Variants in ATXN1 observed in about 807,000 individuals in gnomAD.
ATXN1 encodes ataxin 1.
Under a neutral mutation model 56.4 loss-of-function variants are expected in ATXN1, and 8 were observed. The observed-to-expected ratio is 0.14, with a 90% CI of 0.08 to 0.26. The LOEUF (loss-of-function observed/expected upper bound fraction) is 0.26, where lower values mean the gene tolerates loss of function less well. Among genes scored for constraint, ATXN1 ranks in the 10% least tolerant of loss-of-function variants. The probability of loss-of-function intolerance (pLI) is 1.00; values close to 1 mark genes in which losing one functional copy is unlikely to be tolerated. For synonymous variants in ATXN1, 514 were observed against 494.6 expected (o/e 1.04, Z -0.52); for missense variants, 987 against 1,106.5 (o/e 0.89, Z 1.53).
At chr6:16,502,342 C>A (rs1056586107) in intron 5 of ATXN1, among the ~76,000 whole-genome samples, 2 of 152,182 alleles carry the variant, frequency 1.3e-5, no homozygotes, top group African/African-American at 4.8e-5. Flanking sequence ...AAAAAATACA[C>A]TTGACAGCCA....
intron 2 of ATXN1, among the ~76,000 whole-genome samples, chr6:16,699,844 A>G (rs949661371): frequency 1.3e-5 from 2 of 152,190 alleles, no homozygotes; most frequent in Non-Finnish European, 2.9e-5. Flanking sequence ...ATTCTTTTTG[A>G]CCAAATAGAT....
chr6:16,753,042 T>A, intron 2 of ATXN1, 191 bp downstream of exon 2: 1 of 351,098 alleles, frequency 2.8e-6, no homozygotes, highest in South Asian at 2.1e-5. Context: ...ACCAAATAGA[T>A]AGATACTTTA....
intron 6 of ATXN1, among the ~76,000 whole-genome samples, chr6:16,456,910 A>G (rs916131968): frequency 2.6e-5 from 4 of 152,222 alleles, no homozygotes. Context: ...TCCTCAGACT[A>G]GCAGACCTAA....
intron 5 of ATXN1, among the ~76,000 whole-genome samples, chr6:16,507,104 C>T (rs1760993648): frequency 6.6e-6 from 1 of 152,170 alleles, no homozygotes; most frequent in Non-Finnish European, 1.5e-5. Flanking sequence ...TGATGGATTT[C>T]AATTACTGCA....
intron 5 of ATXN1, among the ~76,000 whole-genome samples, chr6:16,504,718 C>A (rs568771992): frequency 3.8e-4 from 58 of 152,254 alleles, no homozygotes; most frequent in African/African-American, 1.4e-3. Flanking sequence ...ACGTGAACTG[C>A]TCCCCACAAA....
chr6:16,424,715 C>T (rs1759114337), intron 6 of ATXN1, among the ~76,000 whole-genome samples: 1 of 152,218 alleles, frequency 6.6e-6, no homozygotes, highest in African/African-American at 2.4e-5. Context: ...GCTGGGATCT[C>T]TGAATAGATG....
intron 2 of ATXN1, among the ~76,000 whole-genome samples, chr6:16,735,325 T>C (rs1179492334): frequency 1.3e-5 from 2 of 152,242 alleles, no homozygotes; most frequent in East Asian, 1.9e-4. Context: ...ACAGGCTCCC[T>C]GCATTGTGGG....
At chr6:16,561,650 C>CA (rs550397353) in intron 4 of ATXN1, among the ~76,000 whole-genome samples, 4 of 151,442 alleles carry the variant, frequency 2.6e-5, no homozygotes, top group East Asian at 1.9e-4. Context: ...AAATGTGGAC[C>CA]AAAAAAAAGA....
intron 2 of ATXN1, among the ~76,000 whole-genome samples, chr6:16,714,016 CGTG>C (rs1349249446): frequency 6.6e-6 from 1 of 152,008 alleles, no homozygotes; most frequent in Non-Finnish European, 1.5e-5. Flanking sequence ...ATTAGCCAGG[CGTG>C]GTGGTGTGCA....
chr6:16,399,618 C>A (rs1357158535), intron 6 of ATXN1, among the ~76,000 whole-genome samples: 1 of 152,158 alleles, frequency 6.6e-6, no homozygotes, highest in African/African-American at 2.4e-5. Context: ...CTCCTTCTAA[C>A]CCTCTGGCTC....
At chr6:16,492,805 A>G (rs368696205) in intron 5 of ATXN1, among the ~76,000 whole-genome samples, 4 of 152,252 alleles carry the variant, frequency 2.6e-5, no homozygotes, top group African/African-American at 9.6e-5. Flanking sequence ...TTAAATCTGT[A>G]TCCTGGTCCC....
At chr6:16,650,329 A>G (rs760162115) in intron 3 of ATXN1, among the ~76,000 whole-genome samples, 1 of 152,224 alleles carries the variant, frequency 6.6e-6, no homozygotes, top group Non-Finnish European at 1.5e-5. Flanking sequence ...ATGCAGTGAA[A>G]TTCACATTTT....
chr6:16,375,227 C>A (rs538448698), intron 6 of ATXN1, among the ~76,000 whole-genome samples: 1 of 152,316 alleles, frequency 6.6e-6, no homozygotes, highest in South Asian at 2.1e-4. Context: ...CAGGAAGGCA[C>A]CTGGATTTGA....
At chr6:16,732,256 G>A (rs2113487530) in intron 2 of ATXN1, among the ~76,000 whole-genome samples, 1 of 152,134 alleles carries the variant, frequency 6.6e-6, no homozygotes, top group South Asian at 2.1e-4. Context: ...GGTGTTACAG[G>A]CCAGAATCAT....
Position 16,346,707 on chromosome 6 carries a change from G to A in ATXN1, c.-160-18237C>T, listed in dbSNP as rs369689561. Among the ~76,000 whole-genome samples, 12 of 151,936 alleles carry A rather than the reference G, an allele frequency of 7.9e-5. No homozygotes were observed. In the East Asian group the frequency reaches 1.5e-3, roughly 20 times the overall value. On this transcript the variant is annotated intron_variant, in intron 6 of 7. Transcript: ENST00000436367. ...CACCCAGGCTGGAGTGTAGTGAGAG[G>A]TGACAGCATACTGGCAGCCCTCACA...
chr6:16,529,821 G>C (rs1243325248), intron 4 of ATXN1, among the ~76,000 whole-genome samples: 1 of 152,040 alleles, frequency 6.6e-6, no homozygotes, highest in Non-Finnish European at 1.5e-5. Flanking sequence ...CACACTCCAT[G>C]GTAAATTTTT....
chr6:16,517,733 C>T (rs1017628300), intron 5 of ATXN1, among the ~76,000 whole-genome samples: 1 of 152,198 alleles, frequency 6.6e-6, no homozygotes, highest in Admixed American at 6.5e-5. Flanking sequence ...GGTGCACACA[C>T]ATGCATACAA....
chr6:16,743,545 C>T (rs1150639), intron 2 of ATXN1, among the ~76,000 whole-genome samples: 32,859 of 152,070 alleles, frequency 0.22, 4,366 homozygotes, highest in African/African-American at 0.37. Flanking sequence ...GGGGGAATGC[C>T]CGTATGTATT....
intron 4 of ATXN1, among the ~76,000 whole-genome samples, chr6:16,566,326 T>C (rs931640834): frequency 2.6e-5 from 4 of 152,092 alleles, no homozygotes; most frequent in East Asian, 1.9e-4. Flanking sequence ...ACCATGTTTT[T>C]TGTAGGGTCA....
Sources: gnomAD v4.1 joint callset for allele counts (sites outside exome capture counted in the v4.1 genomes callset) on GRCh38, gnomAD v4.1.1 for gene constraint, MANE v1.5 for transcripts, NCBI Gene and HGNC (gene_info 2026-07-23, HGNC 2026-07-21) for gene names.